Variants in C2 observed in about 807,000 individuals in gnomAD.
C2 encodes the protein C3/C5 convertase.
C2 carries 64 observed loss-of-function variants against 85.2 expected under a neutral mutation model. The observed-to-expected ratio is 0.75, with a 90% CI of 0.61 to 0.92. C2 has a LOEUF of 0.92. C2 is among the 40% of genes least tolerant of loss of function. C2 has a pLI of 0.00. For synonymous variants in C2, 311 were observed against 370.8 expected (o/e 0.84, Z 1.85); for missense variants, 820 against 971.6 (o/e 0.84, Z 2.07).
chr6:31,912,275 G>T (rs1768167284), intron 1 of C2, among the ~76,000 whole-genome samples: 1 of 152,176 alleles, frequency 6.6e-6, no homozygotes, highest in Admixed American at 6.5e-5. Flanking sequence ...TGGGAAAAAA[G>T]ATATAAAGGC....
rs532840122 is a variant in C2 at position 31,945,210 on chromosome 6, C to T, written c.2112C>T (p.Pro704=). ...TGGTGAGCTGGGGTCTTTACAACCC[C>T]TGCCTTGGCTCTGCTGACAAAAACT... ...VGLVSWGLYN[P]CLGSADKNSR... Residue 704 remains proline, a synonymous_variant, in exon 18 of 18, where the codon CCC becomes CCT. Coordinates refer to ENST00000299367, the MANE Select transcript of C2 (RefSeq NM_000063.6). This position sits in a 1 kb window ranked among gnomAD's most constrained non-coding sequence, Gnocchi z 5.3. 5 of 1,612,950 alleles carry T rather than the reference C, an allele frequency of 3.1e-6. No individual in the cohort carries two copies. Among genetic ancestry groups the T allele is most frequent in the Admixed American group, 3.3e-5 (2 of 60,012 alleles).
upstream of C2, chr6:31,927,420 T>G: frequency 8.4e-7 from 1 of 1,188,416 alleles, no homozygotes; most frequent in South Asian, 1.8e-5. The surrounding 1 kb of genome is among the most constrained non-coding windows in gnomAD (Gnocchi z 4.7). Context: ...AATATGTGTT[T>G]GCCTGCGTGT....
At chr6:31,937,709 A>G (rs1770545545) in intron 8 of C2, among the ~76,000 whole-genome samples, 1 of 150,112 alleles carries the variant, frequency 6.7e-6, no homozygotes, top group African/African-American at 2.4e-5. Flanking sequence ...CCAGTTTCTT[A>G]TTTATAAAAT....
intron 5 of C2, 34 bp from the exon 6 acceptor site, chr6:31,934,132 G>C: frequency 1.2e-6 from 2 of 1,612,352 alleles, no homozygotes; most frequent in Non-Finnish European, 1.7e-6. Context: ...GAAGGAGGTG[G>C]GGATCTGAAT....
rs1768979578 is a variant in C2 at position 31,921,629 on chromosome 6, T to G, written c.-100+1603T>G. Among the ~76,000 whole-genome samples the G allele has an allele frequency of 6.6e-6, 1 of 152,156 alleles. No homozygotes were observed. Among genetic ancestry groups the G allele is most frequent in the Non-Finnish European group, 1.5e-5 (1 of 68,024 alleles). ...GGGTTTGAATCCCGGCTCTGCTGCT[T>G]AGTACCTGTATGAACCTGGGGCAGC... On this transcript the variant is annotated intron_variant, in intron 1 of 3. Coordinates refer to the C2 transcript ENST00000413154. The surrounding 1 kb of genome is among the most constrained non-coding windows in gnomAD (Gnocchi z 4.6).
At chr6:31,925,530 T>G (rs906887629), upstream of C2, among the ~76,000 whole-genome samples, 2 of 152,150 alleles carry the variant, frequency 1.3e-5, no homozygotes. Flanking sequence ...TGAACTCAGG[T>G]GATCCCCCTG....
chr6:31,900,452 C>G, upstream of C2: 1 of 1,575,482 alleles, frequency 6.3e-7, no homozygotes, highest in Non-Finnish European at 8.6e-7. This position sits in a 1 kb window ranked among gnomAD's most constrained non-coding sequence, Gnocchi z 9.7. Context: ...CACGCTGGCC[C>G]GGCCTCCGGG....
At chr6:31,939,355 C>CAGGAGCAGAACAAA in intron 9 of C2, 35 bp downstream of exon 9, 2 of 1,481,276 alleles carry the variant, frequency 1.4e-6, no homozygotes, top group Non-Finnish European at 1.9e-6. Flanking sequence ...ATTTGTTCTG[C>CAGGAGCAGAACAAA]TCCTGCAGAG....
In C2 at chr6:31,905,037, C is replaced by T. The variant is rs904128405; in HGVS notation, c.73+3898C>T. Reference sequence around the variant, plus strand: ...ATCATCTAGATCCTTGTCCCTTCTTCCCCAACTTCTGCCAGTATAAAACCA... The same window carrying T: ...ATCATCTAGATCCTTGTCCCTTCTTTCCCAACTTCTGCCAGTATAAAACCA... On this transcript the variant is annotated intron_variant, in intron 1 of 3. Coordinates refer to the C2 transcript ENST00000452202. Among the ~76,000 whole-genome samples the T allele has an allele frequency of 3.9e-4, 60 of 152,226 alleles. 2 individuals carry two copies. Among genetic ancestry groups the T allele is most frequent in the Non-Finnish European group, 1.3e-4 (9 of 68,028 alleles).
intron 1 of C2, chr6:31,901,402 T>C: frequency 7.5e-7 from 1 of 1,334,530 alleles, no homozygotes; most frequent in Non-Finnish European, 1.0e-6. Flanking sequence ...CTCGCCCCCA[T>C]TCTTGCCCAG....
At chr6:31,931,835 C>T (rs1175070384) in intron 3 of C2, among the ~76,000 whole-genome samples, 9 of 147,090 alleles carry the variant, frequency 6.1e-5, no homozygotes, top group Admixed American at 1.3e-4. Flanking sequence ...TTCCAGTAGG[C>T]GCGGCCGGGC....
At chr6:31,917,031 C>T (rs917995786), upstream of C2, among the ~76,000 whole-genome samples, 7 of 151,130 alleles carry the variant, frequency 4.6e-5, no homozygotes, top group African/African-American at 9.7e-5. Flanking sequence ...AATTAGCCGG[C>T]GTGCTGGTGG....
chr6:31,944,304 G>A lies in C2; in HGVS notation c.1902+78G>A. ...TGTCTCTCTTCCTTCTCCAGGTCTG[G>A]CTGCTTTCTCTCTCTGACGCGGGTC... On this transcript the variant is annotated intron_variant, in intron 15 of 17. Coordinates refer to ENST00000299367, the MANE Select transcript of C2 (RefSeq NM_000063.6). This position sits in a 1 kb window ranked among gnomAD's most constrained non-coding sequence, Gnocchi z 5.1. The A allele has an allele frequency of 9.4e-7, 1 of 1,060,884 alleles. No individual in the cohort carries two copies. Among genetic ancestry groups the A allele is most frequent in the Non-Finnish European group, 1.5e-6 (1 of 680,900 alleles). The allele number at this position is 1,060,884 out of a possible 1,614,324, so 65.7% of individuals were successfully genotyped here.
chr6:31,918,615 C>A (rs1230843405), upstream of C2, among the ~76,000 whole-genome samples: 2 of 148,476 alleles, frequency 1.3e-5, no homozygotes, highest in Non-Finnish European at 3.0e-5. Context: ...AAAAAAAAAT[C>A]CTGGCTGGGA....
chr6:31,916,958 GATC>G (rs974303115), upstream of C2, among the ~76,000 whole-genome samples: 1 of 149,882 alleles, frequency 6.7e-6, no homozygotes, highest in Non-Finnish European at 1.5e-5. Context: ...GATTACCTGA[GATC>G]ATGAATTTGA....
At position 31,935,897 on chromosome 6, in the gene C2, C is replaced by G; in HGVS notation, c.850-26C>G. The G allele has an allele frequency of 6.2e-7, 1 of 1,612,306 alleles. No homozygotes were observed. The highest frequency in any genetic ancestry group is 1.1e-5 in the South Asian group (1 of 91,070). The stretch of plus-strand genomic sequence containing the variant: ...TCCCCTTTGGCTTCAGGGCCCTTTA[C>G]GCTGCCTCTCACTTGCCCCGCACAG... On this transcript the variant is annotated intron_variant, in intron 6 of 17. Coordinates refer to ENST00000299367, the MANE Select transcript of C2 (RefSeq NM_000063.6). The surrounding 1 kb of genome is among the most constrained non-coding windows in gnomAD (Gnocchi z 4.3).
intron 6 of C2, 118 bp downstream of exon 6, chr6:31,934,417 G>T (rs1482408617): frequency 1.5e-6 from 2 of 1,377,970 alleles, no homozygotes; most frequent in Admixed American, 3.4e-5. Flanking sequence ...AGTCTTCTCA[G>T]ATTATACTCA....
At position 31,933,847 on chromosome 6, in the gene C2, C is replaced by T. The variant is rs758166636; in HGVS notation, c.617-20C>T. On this transcript the variant is annotated intron_variant, in intron 4 of 17. Coordinates refer to ENST00000299367, the MANE Select transcript of C2 (RefSeq NM_000063.6). The stretch of plus-strand genomic sequence containing the variant: ...ACCCGGCCACTGCCCCGGCTGACTC[C>T]TGTGTGGCTCTCCCCACAGAACCCT... 2.7e-5 allele frequency: 44 copies of T among 1,613,574 alleles called. No individual in the cohort carries two copies. The South Asian group carries it at 4.7e-4, about 17-fold the overall frequency.
intron 1 of C2, among the ~76,000 whole-genome samples, chr6:31,909,079 A>G (rs1767917200): frequency 6.6e-6 from 1 of 151,982 alleles, no homozygotes. Context: ...TGTCTGTTTG[A>G]CCATCACACA....
Sources: allele counts gnomAD v4.1 joint callset (sites outside exome capture counted in the v4.1 genomes callset), GRCh38; gene constraint gnomAD v4.1.1; non-coding constraint Gnocchi (gnomAD v3.1); transcripts MANE v1.5; gene names NCBI Gene and HGNC (gene_info 2026-07-23, HGNC 2026-07-21).